Variants in VTI1A observed in about 807,000 individuals in gnomAD.
The protein encoded by VTI1A is vesicle transport through interaction with t-SNAREs homolog 1A.
Under a neutral mutation model 34.9 loss-of-function variants are expected in VTI1A, and 22 were observed. The observed-to-expected ratio is 0.63, with a 90% CI of 0.45 to 0.90. The LOEUF is 0.90. Among genes scored for constraint, VTI1A ranks in the 40% least tolerant of loss-of-function variants. The probability of loss-of-function intolerance (pLI) is 0.00; values close to 1 mark genes in which losing one functional copy is unlikely to be tolerated. For missense variants in VTI1A, 268 were observed against 275.6 expected (o/e 0.97, Z 0.20); for synonymous variants, 87 against 97.3 (o/e 0.89, Z 0.62).
At chr10:112,782,567 G>A (rs1176256619) in intron 7 of VTI1A, among the ~76,000 whole-genome samples, 2 of 152,212 alleles carry the variant, frequency 1.3e-5, no homozygotes, top group African/African-American at 2.4e-5. Context: ...TCATCAGAAG[G>A]TGTCACTGCC....
intron 5 of VTI1A, among the ~76,000 whole-genome samples, chr10:112,552,674 A>G (rs1196295072): frequency 2.0e-5 from 3 of 151,602 alleles, no homozygotes; most frequent in Admixed American, 1.3e-4. Flanking sequence ...TTATTGCCTC[A>G]CTGATACTGC....
At chr10:112,849,075 T>G in the VTI1A span, among the ~76,000 whole-genome samples, 5 of 152,200 alleles carry the variant, frequency 3.3e-5, no homozygotes, top group African/African-American at 1.2e-4. Context: ...TGACACCCAC[T>G]GAGGTCTTGG....
intron 4 of VTI1A, among the ~76,000 whole-genome samples, chr10:112,528,300 G>A (rs1203376072): frequency 6.6e-6 from 1 of 152,022 alleles, no homozygotes; most frequent in Non-Finnish European, 1.5e-5. Context: ...TCTGTAACAG[G>A]GATGTTGTTT....
chr10:112,833,837 C>T, the VTI1A span, among the ~76,000 whole-genome samples: 1 of 152,114 alleles, frequency 6.6e-6, no homozygotes, highest in African/African-American at 2.4e-5. Context: ...GAAGGAGTAT[C>T]CTTAGAAAAA....
At chr10:112,783,832 C>T (rs1852206222) in intron 7 of VTI1A, among the ~76,000 whole-genome samples, 1 of 152,218 alleles carries the variant, frequency 6.6e-6, no homozygotes, top group Non-Finnish European at 1.5e-5. Flanking sequence ...GTGCTGCTGG[C>T]TCTCCCGGTC....
the VTI1A span, among the ~76,000 whole-genome samples, chr10:112,842,761 T>C: frequency 6.6e-6 from 1 of 152,220 alleles, no homozygotes; most frequent in Non-Finnish European, 1.5e-5. Context: ...CCTTTCATGT[T>C]TGGCAACATG....
intron 7 of VTI1A, among the ~76,000 whole-genome samples, chr10:112,704,111 A>G (rs1371563470): frequency 6.6e-6 from 1 of 152,190 alleles, no homozygotes; most frequent in Non-Finnish European, 1.5e-5. Flanking sequence ...TTCATAACTA[A>G]TCACTCATTA....
intron 3 of VTI1A, among the ~76,000 whole-genome samples, chr10:112,515,312 A>T (rs967835206): frequency 1.3e-5 from 2 of 152,044 alleles, no homozygotes; most frequent in African/African-American, 4.8e-5. Flanking sequence ...TAATGGAGGA[A>T]ATTAATTTTT....
chr10:112,629,518 TTA>T (rs1846053842), intron 5 of VTI1A, among the ~76,000 whole-genome samples: 1 of 152,214 alleles, frequency 6.6e-6, no homozygotes, highest in African/African-American at 2.4e-5. Context: ...TTTTTTCCAG[TTA>T]GGCTTCCCTT....
intron 7 of VTI1A, among the ~76,000 whole-genome samples, chr10:112,744,214 G>A (rs1479727220): frequency 1.3e-5 from 2 of 152,110 alleles, no homozygotes; most frequent in African/African-American, 2.4e-5. Flanking sequence ...ATCTCCTCTT[G>A]TATAAGCTAT....
chr10:112,717,318 G>T (rs1181340827), intron 7 of VTI1A, among the ~76,000 whole-genome samples: 1 of 152,002 alleles, frequency 6.6e-6, no homozygotes, highest in Non-Finnish European at 1.5e-5. Context: ...TCTTCTCCTG[G>T]TTATCTGTTG....
intron 5 of VTI1A, among the ~76,000 whole-genome samples, chr10:112,547,593 C>A (rs145994520): frequency 1.1e-4 from 16 of 151,916 alleles, no homozygotes; most frequent in South Asian, 2.1e-4. Flanking sequence ...TAATCATAAT[C>A]ATAATAATAA....
chr10:112,766,746 C>A (rs1168350198), intron 7 of VTI1A, among the ~76,000 whole-genome samples: 5 of 152,174 alleles, frequency 3.3e-5, no homozygotes, highest in African/African-American at 1.2e-4. Context: ...TTGTATGCAT[C>A]TTCATAAACC....
At chr10:112,573,826 T>A (rs983982789) in intron 5 of VTI1A, among the ~76,000 whole-genome samples, 2 of 152,228 alleles carry the variant, frequency 1.3e-5, no homozygotes, top group Admixed American at 1.3e-4. Flanking sequence ...TATTACAATT[T>A]AAAAACCCCT....
intron 7 of VTI1A, among the ~76,000 whole-genome samples, chr10:112,759,700 A>G (rs979744860): frequency 1.3e-5 from 2 of 152,204 alleles, no homozygotes; most frequent in South Asian, 2.1e-4. Flanking sequence ...TTCAAGAAGC[A>G]GATTCAAAGG....
intron 7 of VTI1A, among the ~76,000 whole-genome samples, chr10:112,813,424 A>G (rs1278315840): frequency 6.6e-6 from 1 of 152,194 alleles, no homozygotes; most frequent in African/African-American, 2.4e-5. Flanking sequence ...CATGCTTTTA[A>G]TCTGTTTCAC....
In VTI1A at chr10:112,447,393, G is replaced by T. The variant is rs760882835; in HGVS notation, c.20G>T (p.Gly7Val). Residue 7 changes from glycine to valine, a missense_variant, in exon 1 of 8, where the codon GGT becomes GTT. Gly to Val is a moderately radical substitution (Grantham distance 109). Transcript: ENST00000393077. The stretch of plus-strand genomic sequence containing the variant: ...GCCGCCATGTCGTCCGACTTCGAAG[G>T]TTACGAGCAGGACTTCGCGGTGCTC... MSSDFEGYEQDFAVLTA... is the reference protein window; with the variant it reads MSSDFEVYEQDFAVLTA... 1 of 1,613,540 alleles carries T rather than the reference G, an allele frequency of 6.2e-7. No homozygotes were observed.
intron 5 of VTI1A, among the ~76,000 whole-genome samples, chr10:112,595,179 T>G (rs1446404772): frequency 7.3e-6 from 1 of 136,568 alleles, no homozygotes; most frequent in Non-Finnish European, 1.6e-5. Flanking sequence ...ATTAAAGACT[T>G]AAACATTAGA....
intron 7 of VTI1A, among the ~76,000 whole-genome samples, chr10:112,766,877 G>A (rs1041482152): frequency 2.0e-5 from 3 of 152,186 alleles, no homozygotes; most frequent in Admixed American, 1.3e-4. Flanking sequence ...TGAGATGGAA[G>A]CTAAGGATTT....
Sources: allele counts gnomAD v4.1 joint callset (sites outside exome capture counted in the v4.1 genomes callset), GRCh38; gene constraint gnomAD v4.1.1; transcripts MANE v1.5; gene names NCBI Gene and HGNC (gene_info 2026-07-23, HGNC 2026-07-21).